ABCC5: variants seen among roughly 807,000 people sequenced by gnomAD.
ABCC5 encodes ATP binding cassette subfamily C member 5.
Under a neutral mutation model 160.9 loss-of-function variants are expected in ABCC5, and 61 were observed. The ratio of observed to expected loss-of-function variants is 0.38; its 90% CI spans 0.31 to 0.47. The LOEUF is 0.47. Ranked by LOEUF, ABCC5 falls within the 20% of genes least tolerant of loss-of-function variation. The pLI, the probability that ABCC5 is intolerant of heterozygous loss-of-function variation, is 0.99. For missense variants in ABCC5, 1,308 were observed against 1,813.3 expected (o/e 0.72, Z 5.06); for synonymous variants, 666 against 700.6 (o/e 0.95, Z 0.78).
intron 2 of ABCC5, among the ~76,000 whole-genome samples, chr3:184,001,431 C>G (rs1222065117): frequency 6.6e-6 from 1 of 152,146 alleles, no homozygotes; most frequent in Non-Finnish European, 1.5e-5. Flanking sequence ...TACAGCACAT[C>G]TCAGTTCAGA....
chr3:183,943,834 TAAC>T (rs1714588998), intron 24 of ABCC5, among the ~76,000 whole-genome samples: 1 of 152,092 alleles, frequency 6.6e-6, no homozygotes, highest in Non-Finnish European at 1.5e-5. Flanking sequence ...ACCATAACAT[TAAC>T]TCAAACACTG....
At chr3:183,954,439 G>A (rs1380055652) in intron 17 of ABCC5, among the ~76,000 whole-genome samples, 4 of 152,264 alleles carry the variant, frequency 2.6e-5, no homozygotes, top group Middle Eastern at 3.4e-3. Context: ...ATGAGCCACC[G>A]CACCTAGCTG....
intron 5 of ABCC5, chr3:183,983,932 GAC>G (rs958885241): frequency 3.0e-6 from 3 of 985,228 alleles, no homozygotes. Flanking sequence ...GTTGTTTAAC[GAC>G]ACACAGTAGA....
Position 183,920,001 on chromosome 3 carries a change from C to T in ABCC5, c.*1299G>A, listed in dbSNP as rs1418933727. Reference sequence around the variant, plus strand: ...TTGCTTCCACAAGGTGTTCAGCAAACATGCTAAGGCGACAGAATGTCTAGT... The same window carrying T: ...TTGCTTCCACAAGGTGTTCAGCAAATATGCTAAGGCGACAGAATGTCTAGT... On this transcript the variant is annotated 3_prime_UTR_variant, in exon 30 of 30. Transcript: ENST00000334444. This position sits in a 1 kb window ranked among gnomAD's most constrained non-coding sequence, Gnocchi z 4.1. The T allele has an allele frequency of 6.6e-6, 1 of 152,630 alleles. No homozygotes were observed. Among genetic ancestry groups the T allele is most frequent in the Non-Finnish European group, 1.5e-5 (1 of 68,048 alleles). 9.5% of individuals were successfully genotyped at this position (152,630 alleles called of 1,614,324 possible). A position where few individuals can be genotyped will look rare whatever the true frequency, so the allele number is the denominator to read the frequency against.
rs1336656392 is a variant in ABCC5, at chr3:183,951,137, A to G, written c.2944+304T>C. ...CAGTTCTGGTGCAGGCACAGCCCAT[A>G]CAACAGCCAGAAAACCTGCCAGGTT... On this transcript the variant is annotated intron_variant, in intron 20 of 29. Transcript: ENST00000334444. This position sits in a 1 kb window ranked among gnomAD's most constrained non-coding sequence, Gnocchi z 4.7. 6.6e-6 allele frequency among the ~76,000 whole-genome samples: 1 copy of G among 152,196 alleles called. No individual in the cohort carries two copies. The highest frequency in any genetic ancestry group is 2.4e-5 in the African/African-American group (1 of 41,444).
intron 17 of ABCC5, among the ~76,000 whole-genome samples, chr3:183,954,777 C>G (rs1003886606): frequency 2.6e-5 from 4 of 152,076 alleles, no homozygotes; most frequent in African/African-American, 9.7e-5. Flanking sequence ...GAATCATGAC[C>G]AGTGACGCAG....
rs1008826836 is a variant in ABCC5, at chr3:183,920,377, G to A, written c.*923C>T. On this transcript the variant is annotated 3_prime_UTR_variant, in exon 30 of 30. Coordinates refer to ENST00000334444, the MANE Select transcript of ABCC5 (RefSeq NM_005688.4). This position sits in a 1 kb window ranked among gnomAD's most constrained non-coding sequence, Gnocchi z 4.1. ...AGTGCCACCTCAAAAAGCAGCAGTT[G>A]GCTCCAGGGCTTGGAACCAACAGGT... is the stretch of plus-strand genomic sequence containing the variant. The A allele has an allele frequency of 2.0e-5, 3 of 152,668 alleles. No homozygotes were observed. Among genetic ancestry groups the A allele is most frequent in the Non-Finnish European group, 2.9e-5 (2 of 68,094 alleles). The allele number at this position is 152,668 out of a possible 1,614,324, so 9.5% of individuals were successfully genotyped here. A position where few individuals can be genotyped will look rare whatever the true frequency, so the allele number is the denominator to read the frequency against.
intron 22 of ABCC5, among the ~76,000 whole-genome samples, chr3:183,948,093 C>G (rs1368935248): frequency 6.6e-6 from 1 of 152,164 alleles, no homozygotes; most frequent in Non-Finnish European, 1.5e-5. Flanking sequence ...GAGCATGGCA[C>G]GGCCATCAGT....
chr3:183,975,652 T>A (rs1718150307), intron 10 of ABCC5, among the ~76,000 whole-genome samples: 1 of 152,056 alleles, frequency 6.6e-6, no homozygotes, highest in African/African-American at 2.4e-5. Context: ...CATAAATACT[T>A]GTTATCTTGT....
Position 183,988,541 on chromosome 3 carries a change from G to T in ABCC5, c.443+31C>A, listed in dbSNP as rs28365003. The T allele has an allele frequency of 9.6e-4, 1,522 of 1,593,548 alleles. 2 individuals are homozygous for T. The highest frequency in any genetic ancestry group is 7.4e-4 in the Non-Finnish European group (871 of 1,172,210). On this transcript the variant is annotated intron_variant, in intron 4 of 29. Transcript: ENST00000334444. The surrounding 1 kb of genome is among the most constrained non-coding windows in gnomAD (Gnocchi z 4.4). ...GCTCAGGCCCTGCCCACCCGGCATG[G>T]GGGAGATGAGGGTGGACCAGAGGCG... is the stretch of plus-strand genomic sequence containing the variant.
At chr3:183,992,523 C>T (rs1719856793) in intron 2 of ABCC5, among the ~76,000 whole-genome samples, 2 of 152,282 alleles carry the variant, frequency 1.3e-5, no homozygotes, top group South Asian at 2.1e-4. Context: ...AAAGCATATA[C>T]GCCTGTAATC....
chr3:183,942,519 C>A (rs2108782733), intron 25 of ABCC5: 1 of 703,754 alleles, frequency 1.4e-6, no homozygotes, highest in Non-Finnish European at 2.5e-6. Flanking sequence ...CAGTGTTCTG[C>A]ATTGAGAATG....
chr3:183,985,305 T>C (rs1560034236), intron 5 of ABCC5: 1 of 1,613,524 alleles, frequency 6.2e-7, no homozygotes, highest in Non-Finnish European at 8.5e-7. Flanking sequence ...TTACCTTACC[T>C]GAACTCTTGG....
chr3:184,013,361 T>G (rs1721914608), intron 2 of ABCC5, among the ~76,000 whole-genome samples: 1 of 152,106 alleles, frequency 6.6e-6, no homozygotes, highest in South Asian at 2.1e-4. Context: ...ATTCAAGCAA[T>G]TCTCCTGCCT....
chr3:184,007,831 AC>A (rs1721360364), intron 2 of ABCC5, among the ~76,000 whole-genome samples: 1 of 152,088 alleles, frequency 6.6e-6, no homozygotes, highest in African/African-American at 2.4e-5. Context: ...TACCTCAAAA[AC>A]AAAAAACAAA....
chr3:184,014,406 A>G lies in ABCC5; in HGVS notation c.-14T>C. 6.2e-7 allele frequency: 1 copy of G among 1,606,362 alleles called. No homozygotes were observed. Among genetic ancestry groups the G allele is most frequent in the Non-Finnish European group, 8.5e-7 (1 of 1,176,798 alleles). ...GATATCCTTCATCTTCTCTGAGTGG[A>G]GGTTCCAGGGCTCACAGACTGTTAG... On this transcript the variant is annotated 5_prime_UTR_variant, in exon 2 of 30. Transcript: ENST00000334444.
intron 12 of ABCC5, among the ~76,000 whole-genome samples, chr3:183,966,737 G>C (rs1372813485): frequency 3.3e-5 from 5 of 152,028 alleles, no homozygotes; most frequent in Non-Finnish European, 7.4e-5. Flanking sequence ...AGAAGGTGGA[G>C]GTGATGCCTG....
intron 25 of ABCC5, among the ~76,000 whole-genome samples, chr3:183,940,462 GAAAAAAAAAAA>G (rs537025178): frequency 1.5e-5 from 1 of 64,618 alleles, no homozygotes; most frequent in African/African-American, 5.8e-5. Flanking sequence ...TCTGTCTCAG[GAAAAAAAAAAA>G]AAAAAAAAAA....
intron 2 of ABCC5, among the ~76,000 whole-genome samples, chr3:183,993,883 C>CT (rs1370044240): frequency 1.3e-5 from 2 of 151,578 alleles, no homozygotes; most frequent in Non-Finnish European, 2.9e-5. Flanking sequence ...TCATCGAGGT[C>CT]TAAAAATCAC....
Sources: gnomAD v4.1 joint callset for allele counts (sites outside exome capture counted in the v4.1 genomes callset) on GRCh38, gnomAD v4.1.1 for gene constraint, Gnocchi (gnomAD v3.1) non-coding constraint, MANE v1.5 for transcripts, NCBI Gene and HGNC (gene_info 2026-07-23, HGNC 2026-07-21) for gene names.